The following OXR1 variants were observed in gnomAD, a reference collection of about 807,000 sequenced individuals.
OXR1 encodes the protein oxidation resistance protein 1.
A neutral mutation model predicts 104.6 loss-of-function variants in OXR1; 41 were observed. The observed-to-expected ratio is 0.39, with a 90% CI of 0.31 to 0.51. The LOEUF is 0.51. Ranked by LOEUF, OXR1 falls within the 20% of genes least tolerant of loss-of-function variation. The pLI is 0.77. For missense variants in OXR1, 955 were observed against 1,031.9 expected, an observed-to-expected ratio of 0.93 and a Z score of 1.02; for synonymous variants, 348 against 348.4, an observed-to-expected ratio of 1.00 and a Z score of 0.01.
At chr8:106,623,574 G>C (rs1042553592) in intron 3 of OXR1, among the ~76,000 whole-genome samples, 12 of 152,122 alleles carry the variant, frequency 7.9e-5, no homozygotes, top group African/African-American at 2.7e-4. Context: ...GAAGTCTTGT[G>C]ACAGCTGAAA....
chr8:106,748,554 C>CTT (rs71307088), intron 16 of OXR1, among the ~76,000 whole-genome samples: 41 of 48,922 alleles, frequency 8.4e-4, no homozygotes, highest in Non-Finnish European at 1.2e-3. Flanking sequence ...AGTACCAACT[C>CTT]TTTTTTTTTT....
chr8:106,374,863 T>C (rs561739685), intron 2 of OXR1, among the ~76,000 whole-genome samples: 36 of 152,316 alleles, frequency 2.4e-4, no homozygotes, highest in African/African-American at 8.4e-4. Flanking sequence ...ATAAATTTCA[T>C]GTAGGAGGAA....
chr8:106,555,743 A>G (rs1816213336), intron 3 of OXR1, among the ~76,000 whole-genome samples: 1 of 151,908 alleles, frequency 6.6e-6, no homozygotes, highest in Non-Finnish European at 1.5e-5. Context: ...ATGATAAATA[A>G]TTTATAAATG....
chr8:106,300,351 ACTACCTAAGATTTATACTTCAGCAT>A (rs1813177886), intron 1 of OXR1, among the ~76,000 whole-genome samples: 1 of 152,004 alleles, frequency 6.6e-6, no homozygotes, highest in Non-Finnish European at 1.5e-5. Flanking sequence ...ATTTTCTATG[ACTACCTAAGATTTATACTTCAGCAT>A]CTTTATTATG....
chr8:106,289,879 G>A (rs1037609730), intron 1 of OXR1, among the ~76,000 whole-genome samples: 1 of 152,146 alleles, frequency 6.6e-6, no homozygotes, highest in Non-Finnish European at 1.5e-5. Context: ...GTGAGTGAGT[G>A]AGTTCCACCA....
At chr8:106,642,509 A>C (rs1390190862) in intron 3 of OXR1, among the ~76,000 whole-genome samples, 2 of 152,264 alleles carry the variant, frequency 1.3e-5, no homozygotes, top group East Asian at 3.9e-4. Flanking sequence ...CATCTGCTAC[A>C]AGTATGTGAA....
chr8:106,299,433 A>C (rs1483268389), intron 1 of OXR1, among the ~76,000 whole-genome samples: 2 of 152,124 alleles, frequency 1.3e-5, no homozygotes, highest in Non-Finnish European at 2.9e-5. Context: ...GTGATACACA[A>C]AACTAATACT....
intron 3 of OXR1, among the ~76,000 whole-genome samples, chr8:106,598,678 C>G (rs1270605547): frequency 6.6e-6 from 1 of 152,114 alleles, no homozygotes; most frequent in East Asian, 1.9e-4. Flanking sequence ...TACAAATATC[C>G]ATAGAAAACA....
intron 3 of OXR1, among the ~76,000 whole-genome samples, chr8:106,533,449 T>C (rs930926633): frequency 2.0e-5 from 3 of 152,222 alleles, no homozygotes; most frequent in African/African-American, 7.2e-5. Flanking sequence ...GAGAAGACTC[T>C]TTATTCAAAG....
chr8:106,293,471 G>A (rs573506798), intron 1 of OXR1, among the ~76,000 whole-genome samples: 4 of 152,248 alleles, frequency 2.6e-5, no homozygotes, highest in East Asian at 3.9e-4. Context: ...CAGGAGTGTC[G>A]TGGTTGCCAA....
At chr8:106,560,956 G>A (rs935544541) in intron 3 of OXR1, among the ~76,000 whole-genome samples, 13 of 152,146 alleles carry the variant, frequency 8.5e-5, no homozygotes, top group South Asian at 2.1e-4. Context: ...GGACTGTGCC[G>A]TGAGGAACGG....
At chr8:106,396,982 A>G (rs964110710) in intron 2 of OXR1, among the ~76,000 whole-genome samples, 11 of 152,132 alleles carry the variant, frequency 7.2e-5, no homozygotes, top group African/African-American at 2.2e-4. Context: ...ATTAAGTGCA[A>G]GGAAAAACCC....
At chr8:106,691,249 G>A (rs1159142789) in intron 6 of OXR1, among the ~76,000 whole-genome samples, 1 of 151,928 alleles carries the variant, frequency 6.6e-6, no homozygotes. Flanking sequence ...ACAAAATTAT[G>A]CAGGGAAGCA....
intron 1 of OXR1, among the ~76,000 whole-genome samples, chr8:106,343,313 T>C (rs1586547260): frequency 1.3e-5 from 2 of 152,338 alleles, no homozygotes; most frequent in Admixed American, 6.5e-5. Flanking sequence ...TACTTTGTCA[T>C]TTCCAAATAG....
At chr8:106,560,892 C>T (rs765755396) in intron 3 of OXR1, among the ~76,000 whole-genome samples, 4 of 152,120 alleles carry the variant, frequency 2.6e-5, no homozygotes, top group East Asian at 3.9e-4. Context: ...TCACCTTACC[C>T]GGGAAGTGCA....
chr8:106,544,113 C>T (rs1024437630), intron 3 of OXR1, among the ~76,000 whole-genome samples: 1 of 152,046 alleles, frequency 6.6e-6, no homozygotes, highest in Admixed American at 6.6e-5. Context: ...AAAGCACTGG[C>T]CTGAGTAATG....
chr8:106,356,873 C>G (rs1425611791), intron 1 of OXR1, among the ~76,000 whole-genome samples: 1 of 151,954 alleles, frequency 6.6e-6, no homozygotes, highest in Non-Finnish European at 1.5e-5. Flanking sequence ...AAAAGCAACC[C>G]AGAAATTTAG....
chr8:106,298,802 A>G (rs1016614110), intron 1 of OXR1, among the ~76,000 whole-genome samples: 2 of 152,244 alleles, frequency 1.3e-5, no homozygotes, highest in Middle Eastern at 3.4e-3. Flanking sequence ...AACAAAAGCA[A>G]TTGTGTTTAT....
At chr8:106,652,059 A>G (rs1382282271) in intron 3 of OXR1, among the ~76,000 whole-genome samples, 1 of 152,058 alleles carries the variant, frequency 6.6e-6, no homozygotes, top group Non-Finnish European at 1.5e-5. Context: ...TTTGGATTAG[A>G]GATGCCTTTT....
Sources: gnomAD v4.1 joint callset for allele counts (sites outside exome capture counted in the v4.1 genomes callset) on GRCh38, gnomAD v4.1.1 for gene constraint, MANE v1.5 for transcripts, NCBI Gene and HGNC (gene_info 2026-07-23, HGNC 2026-07-21) for gene names.